The following SLIT3 variants were observed in gnomAD, a reference collection of about 807,000 sequenced individuals.
SLIT3 encodes slit guidance ligand 3, also known as slit homolog 3 protein.
In SLIT3, 68 loss-of-function variants were observed where a neutral mutation model predicts 184.0. That is an observed-to-expected ratio of 0.37 (90% CI 0.30 to 0.45). The LOEUF is 0.45. Ranked by LOEUF, SLIT3 falls within the 20% of genes least tolerant of loss-of-function variation. The pLI is 1.00. For synonymous variants in SLIT3, 831 were observed against 828.6 expected (o/e 1.00, Z -0.05); for missense variants, 1,707 against 2,026.0 (o/e 0.84, Z 3.02).
chr5:169,047,441 A>G (rs1269074159), intron 4 of SLIT3, among the ~76,000 whole-genome samples: 2 of 151,798 alleles, frequency 1.3e-5, no homozygotes, highest in South Asian at 4.2e-4. Flanking sequence ...TCCCATCTTT[A>G]TTGGGGTCTC....
At chr5:168,817,745 T>C (rs1020945964) in intron 7 of SLIT3, among the ~76,000 whole-genome samples, 1 of 152,112 alleles carries the variant, frequency 6.6e-6, no homozygotes, top group Non-Finnish European at 1.5e-5. Flanking sequence ...CCTCAGCACA[T>C]GAGAAAAGGG....
chr5:168,990,965 T>C (rs1391247647), intron 4 of SLIT3, among the ~76,000 whole-genome samples: 1 of 152,202 alleles, frequency 6.6e-6, no homozygotes, highest in Non-Finnish European at 1.5e-5. Context: ...GCTGCTTTCA[T>C]TGGGCCACTG....
chr5:169,070,612 A>T (rs966138137), intron 4 of SLIT3, among the ~76,000 whole-genome samples: 1 of 152,176 alleles, frequency 6.6e-6, no homozygotes, highest in Admixed American at 6.5e-5. Flanking sequence ...TCAACCAGCT[A>T]ATGTTTGCCA....
At chr5:168,884,343 C>A (rs1027418811) in intron 4 of SLIT3, among the ~76,000 whole-genome samples, 2 of 149,942 alleles carry the variant, frequency 1.3e-5, no homozygotes, top group Non-Finnish European at 1.5e-5. Flanking sequence ...ATGGCGTGGT[C>A]GGGGGGTGCA....
intron 1 of SLIT3, among the ~76,000 whole-genome samples, chr5:169,280,197 T>C (rs550227497): frequency 1.3e-5 from 2 of 152,322 alleles, no homozygotes; most frequent in South Asian, 4.1e-4. Flanking sequence ...ACCAGCTGAC[T>C]TTATGGTTCC....
At chr5:168,667,345 A>T (rs1329885157) in intron 35 of SLIT3, among the ~76,000 whole-genome samples, 3 of 152,258 alleles carry the variant, frequency 2.0e-5, no homozygotes, top group Non-Finnish European at 4.4e-5. Context: ...ATACAAGAAC[A>T]TACAGTATAT....
intron 4 of SLIT3, among the ~76,000 whole-genome samples, chr5:169,027,153 A>G (rs1756862105): frequency 6.6e-6 from 1 of 152,176 alleles, no homozygotes; most frequent in Non-Finnish European, 1.5e-5. Context: ...CCTGGGGTTC[A>G]GTTTTCCCAT....
chr5:169,229,004 C>G (rs1764900967), intron 3 of SLIT3, among the ~76,000 whole-genome samples: 1 of 152,204 alleles, frequency 6.6e-6, no homozygotes, highest in Admixed American at 6.5e-5. Context: ...TCTCTCAGCT[C>G]TCTCGTTAAA....
At chr5:169,289,846 C>T (rs1767281428) in intron 1 of SLIT3, among the ~76,000 whole-genome samples, 1 of 152,200 alleles carries the variant, frequency 6.6e-6, no homozygotes, top group Non-Finnish European at 1.5e-5. Context: ...ATCATGGACT[C>T]CACAGCATGC....
chr5:168,692,573 G>A (rs1206377690), intron 29 of SLIT3, 34 bp downstream of exon 29: 4 of 1,475,042 alleles, frequency 2.7e-6, no homozygotes, highest in Non-Finnish European at 3.8e-6. Flanking sequence ...AGTTTTCATG[G>A]ACTCTGTGCT....
chr5:169,120,610 A>G (rs1345222653), intron 4 of SLIT3, among the ~76,000 whole-genome samples: 1 of 152,188 alleles, frequency 6.6e-6, no homozygotes, highest in African/African-American at 2.4e-5. Flanking sequence ...TAAGAGACTC[A>G]GTTTGTGTCG....
intron 5 of SLIT3, among the ~76,000 whole-genome samples, chr5:168,857,750 T>C (rs1404512959): frequency 2.0e-5 from 3 of 152,102 alleles, no homozygotes; most frequent in Non-Finnish European, 4.4e-5. Flanking sequence ...CTCCAGGGGG[T>C]CGGAGGGCTG....
At chr5:168,867,274 G>C (rs569621839) in intron 5 of SLIT3, among the ~76,000 whole-genome samples, 1 of 152,312 alleles carries the variant, frequency 6.6e-6, no homozygotes, top group South Asian at 2.1e-4. Context: ...AAATTCTAGA[G>C]TAGGCCGGGG....
intron 4 of SLIT3, among the ~76,000 whole-genome samples, chr5:168,973,994 T>C (rs991056811): frequency 6.6e-6 from 1 of 152,210 alleles, no homozygotes; most frequent in Non-Finnish European, 1.5e-5. Flanking sequence ...TAGAAAACCA[T>C]AATTATGAAA....
chr5:169,029,661 T>C (rs1235860628), intron 4 of SLIT3, among the ~76,000 whole-genome samples: 1 of 152,220 alleles, frequency 6.6e-6, no homozygotes, highest in Non-Finnish European at 1.5e-5. Context: ...TCTTCCTGTG[T>C]TTTGCAAACA....
intron 4 of SLIT3, among the ~76,000 whole-genome samples, chr5:168,938,802 T>C (rs1762243906): frequency 6.6e-6 from 1 of 152,102 alleles, no homozygotes; most frequent in East Asian, 1.9e-4. Flanking sequence ...GGCTAATTTT[T>C]GTATTTTTAG....
At chr5:169,043,898 GGTCAA>G (rs1390681065) in intron 4 of SLIT3, among the ~76,000 whole-genome samples, 11 of 152,184 alleles carry the variant, frequency 7.2e-5, no homozygotes, top group Admixed American at 7.2e-4. Context: ...TGCAGACTCT[GGTCAA>G]GTCAACAGTA....
At chr5:169,014,057 C>G (rs560787750) in intron 4 of SLIT3, among the ~76,000 whole-genome samples, 23 of 152,024 alleles carry the variant, frequency 1.5e-4, no homozygotes, top group African/African-American at 5.6e-4. Flanking sequence ...CCTGGTATTA[C>G]AGAGAAGCTT....
intron 14 of SLIT3, among the ~76,000 whole-genome samples, chr5:168,769,687 A>C (rs1211811557): frequency 6.6e-6 from 1 of 152,138 alleles, no homozygotes; most frequent in African/African-American, 2.4e-5. Flanking sequence ...GAGCAGGGGA[A>C]ATCCATCCTG....
Sources: gnomAD v4.1 joint callset for allele counts (sites outside exome capture counted in the v4.1 genomes callset) on GRCh38, gnomAD v4.1.1 for gene constraint, MANE v1.5 for transcripts, NCBI Gene and HGNC (gene_info 2026-07-23, HGNC 2026-07-21) for gene names.